Variants in FBXL13 observed in about 807,000 individuals in gnomAD.
FBXL13 encodes the protein F-box and leucine-rich repeat protein 13.
A neutral mutation model predicts 83.6 loss-of-function variants in FBXL13; 67 were observed. That is an observed-to-expected ratio of 0.80 (90% CI 0.66 to 0.98). FBXL13 has a LOEUF of 0.98. Among genes scored for constraint, FBXL13 ranks in the 50% least tolerant of loss-of-function variants. The probability of loss-of-function intolerance (pLI) is 0.00; values close to 1 mark genes in which losing one functional copy is unlikely to be tolerated. For missense variants in FBXL13, 822 were observed against 866.5 expected, an observed-to-expected ratio of 0.95 and a Z score of 0.64; for synonymous variants, 272 against 299.5, an observed-to-expected ratio of 0.91 and a Z score of 0.95.
intron 18 of FBXL13, among the ~76,000 whole-genome samples, chr7:102,823,727 G>A (rs550456449): frequency 8.5e-5 from 13 of 152,184 alleles, no homozygotes; most frequent in African/African-American, 1.4e-4. Context: ...AACATAGGCC[G>A]TGAGGCTTGG....
intron 16 of FBXL13, among the ~76,000 whole-genome samples, chr7:102,864,219 C>T (rs1014198203): frequency 6.6e-6 from 1 of 152,182 alleles, no homozygotes; most frequent in Admixed American, 6.6e-5. Context: ...TCTGGCCATG[C>T]TCTGACAGCA....
chr7:102,934,945 C>T (rs1355449087), intron 8 of FBXL13, among the ~76,000 whole-genome samples: 1 of 152,200 alleles, frequency 6.6e-6, no homozygotes, highest in African/African-American at 2.4e-5. Flanking sequence ...TTGCACATCG[C>T]AAGCTGTCAC....
At chr7:102,932,633 C>T (rs1183645295) in intron 8 of FBXL13, among the ~76,000 whole-genome samples, 1 of 24,312 alleles carries the variant, frequency 4.1e-5, no homozygotes, top group Non-Finnish European at 1.1e-4. Flanking sequence ...CTTGCTCTGT[C>T]AGCCACGCTA....
At chr7:102,888,133 C>CT (rs1378159369) in intron 11 of FBXL13, among the ~76,000 whole-genome samples, 1 of 152,182 alleles carries the variant, frequency 6.6e-6, no homozygotes, top group East Asian at 1.9e-4. Context: ...TTCAGGTACT[C>CT]TTTTTTTGAA....
At chr7:103,000,780 A>C (rs1053191241) in intron 6 of FBXL13, among the ~76,000 whole-genome samples, 2 of 152,214 alleles carry the variant, frequency 1.3e-5, no homozygotes, top group African/African-American at 4.8e-5. Flanking sequence ...TATTGGATGC[A>C]CATATATTTA....
intron 11 of FBXL13, among the ~76,000 whole-genome samples, chr7:102,905,986 C>T (rs1239888837): frequency 2.0e-5 from 3 of 152,122 alleles, no homozygotes; most frequent in East Asian, 3.8e-4. Flanking sequence ...TTTAATTGGA[C>T]TTACAGTTCC....
At chr7:102,926,154 GCAGTGCCA>G (rs1269297378) in intron 10 of FBXL13, 112 bp downstream of exon 11, 1 of 741,592 alleles carries the variant, frequency 1.3e-6, no homozygotes, top group African/African-American at 1.8e-5. Context: ...TATCAGAAAA[GCAGTGCCA>G]CAGTGGTGGG....
At chr7:102,832,693 C>A in intron 18 of FBXL13, 147 bp downstream of exon 19, 1 of 970,060 alleles carries the variant, frequency 1.0e-6, no homozygotes, top group Non-Finnish European at 1.4e-6. Flanking sequence ...AAGCTATTTC[C>A]AATTTGAGGA....
chr7:102,913,753 G>C (rs1388751887), intron 10 of FBXL13, among the ~76,000 whole-genome samples: 3 of 152,162 alleles, frequency 2.0e-5, no homozygotes, highest in Non-Finnish European at 4.4e-5. Flanking sequence ...TTAAAAAATA[G>C]GTTTAAATAT....
chr7:103,000,629 A>G (rs528618243), intron 6 of FBXL13, among the ~76,000 whole-genome samples: 22 of 152,268 alleles, frequency 1.4e-4, no homozygotes, highest in South Asian at 4.1e-4. Context: ...TATCACTCCA[A>G]TGTTCCTTTG....
chr7:103,064,892 A>C (rs1798247469), intron 1 of FBXL13, among the ~76,000 whole-genome samples: 1 of 152,208 alleles, frequency 6.6e-6, no homozygotes, highest in African/African-American at 2.4e-5. Context: ...CTACTGGTTC[A>C]CAGACCTGGC....
intron 6 of FBXL13, among the ~76,000 whole-genome samples, chr7:103,006,885 GT>G (rs35280294): frequency 0.45 from 69,067 of 151,858 alleles, 18,838 homozygotes; most frequent in Non-Finnish European, 0.61. Context: ...AAGAAGGGAA[GT>G]GGGATTTTAA....
In FBXL13 at chr7:103,033,572, G is replaced by A. The variant is rs769932272; in HGVS notation, c.1-4154C>T. Among the ~76,000 whole-genome samples the A allele has an allele frequency of 7.2e-5, 11 of 152,108 alleles. No homozygotes were observed. The South Asian group carries it at 8.3e-4, about 11-fold the overall frequency. On this transcript the variant is annotated intron_variant, in intron 2 of 19. Coordinates refer to ENST00000313221, the Ensembl canonical transcript of FBXL13. ...CAAGAATGAAGCTGCAGACCTTCCC[G>A]ATGAGTGTTATAGCTCTTAAGGCAG...
rs75346612 is a variant in FBXL13 at position 102,814,882 on chromosome 7, C to G, written c.2019-1351G>C. 1.2e-3 allele frequency among the ~76,000 whole-genome samples: 180 copies of G among 152,310 alleles called. 1 individual carries two copies. In the East Asian group the frequency reaches 0.031, roughly 26 times the overall value. On this transcript the variant is annotated intron_variant, in intron 19 of 19. Transcript: ENST00000313221. Reference sequence around the variant, plus strand: ...CTCTTATATAATCTTTACATATCCTCAAAGTAGAACATTACTATGCAAAAG... The same window carrying G: ...CTCTTATATAATCTTTACATATCCTGAAAGTAGAACATTACTATGCAAAAG...
intron 1 of FBXL13, among the ~76,000 whole-genome samples, chr7:103,067,497 T>C (rs1798513666): frequency 6.6e-6 from 1 of 152,250 alleles, no homozygotes; most frequent in African/African-American, 2.4e-5. Flanking sequence ...GAGTAACTTC[T>C]GGGGCTAGGT....
chr7:103,011,600 T>C (rs965858169), intron 6 of FBXL13, among the ~76,000 whole-genome samples: 3 of 139,450 alleles, frequency 2.2e-5, no homozygotes, highest in Non-Finnish European at 4.6e-5. Context: ...ATAGCACCAC[T>C]ACACTCCAGC....
chr7:103,042,054 G>A (rs1795768763), intron 2 of FBXL13, among the ~76,000 whole-genome samples: 2 of 152,102 alleles, frequency 1.3e-5, no homozygotes, highest in Admixed American at 6.5e-5. Context: ...CAGATGACAC[G>A]ACTGTATATT....
intron 8 of FBXL13, among the ~76,000 whole-genome samples, chr7:102,956,890 C>G (rs1419179704): frequency 1.3e-5 from 2 of 152,112 alleles, no homozygotes; most frequent in Non-Finnish European, 2.9e-5. Context: ...AAAGAGGACA[C>G]AAACAAATGG....
At chr7:102,867,695 ATTTTTT>A (rs1205859622) in intron 16 of FBXL13, among the ~76,000 whole-genome samples, 1,364 of 48,404 alleles carry the variant, frequency 0.028, 12 homozygotes, top group East Asian at 0.1. Context: ...ATATATATAT[ATTTTTT>A]TTTTTTTTTT....
Sources: gnomAD v4.1 joint callset for allele counts (sites outside exome capture counted in the v4.1 genomes callset) on GRCh38, gnomAD v4.1.1 for gene constraint, MANE v1.5 for transcripts, NCBI Gene and HGNC (gene_info 2026-07-23, HGNC 2026-07-21) for gene names.